MAN1A1: variants seen among roughly 807,000 people sequenced by gnomAD.
MAN1A1 encodes mannosidase alpha class 1A member 1, also known as mannosyl-oligosaccharide 1,2-alpha-mannosidase IA.
Under a neutral mutation model 70.8 loss-of-function variants are expected in MAN1A1, and 29 were observed. The ratio of observed to expected loss-of-function variants is 0.41; its 90% confidence interval spans 0.31 to 0.56. The LOEUF (loss-of-function observed/expected upper bound fraction) is 0.56, where lower values mean the gene tolerates loss of function less well. Ranked by LOEUF, MAN1A1 falls within the 20% of genes least tolerant of loss-of-function variation. The probability of loss-of-function intolerance (pLI) is 0.29; values close to 1 mark genes in which losing one functional copy is unlikely to be tolerated. For missense variants in MAN1A1, 747 were observed against 841.3 expected (o/e 0.89, Z 1.39); for synonymous variants, 349 against 330.1 (o/e 1.06, Z -0.62).
chr6:119,288,349 C>T (rs553927518), intron 5 of MAN1A1, among the ~76,000 whole-genome samples: 3 of 151,964 alleles, frequency 2.0e-5, no homozygotes, highest in Admixed American at 6.6e-5. Context: ...GTCCTAGACA[C>T]CTTAGTAAAT....
At chr6:119,264,595 T>C (rs1775698161) in intron 5 of MAN1A1, among the ~76,000 whole-genome samples, 2 of 152,176 alleles carry the variant, frequency 1.3e-5, no homozygotes, top group South Asian at 2.1e-4. Flanking sequence ...GCGGTTGTTG[T>C]TTAGGAGCTT....
intron 2 of MAN1A1, among the ~76,000 whole-genome samples, chr6:119,319,124 C>T (rs534478917): frequency 6.6e-6 from 1 of 152,080 alleles, no homozygotes; most frequent in Non-Finnish European, 1.5e-5. Context: ...CTAAAAATGG[C>T]AAATGATTAT....
intron 5 of MAN1A1, among the ~76,000 whole-genome samples, chr6:119,289,519 A>G (rs1385781266): frequency 6.9e-6 from 1 of 145,090 alleles, no homozygotes; most frequent in Non-Finnish European, 1.5e-5. Flanking sequence ...GTTATCTGGT[A>G]GTGGAAAAAC....
rs552008561 is a variant in MAN1A1 at position 119,284,605 on chromosome 6, T to G, written c.897+6078A>C. ...CTGAAATATAGACTTAACCACATATTTATTTTTTCTTAATGCAGACCTTTG... is the reference window on the plus strand; with the variant it reads ...CTGAAATATAGACTTAACCACATATGTATTTTTTCTTAATGCAGACCTTTG... On this transcript the variant is annotated intron_variant, in intron 5 of 12. Transcript: ENST00000368468. Among the ~76,000 whole-genome samples, 14 of 152,306 alleles carry G rather than the reference T, an allele frequency of 9.2e-5. No individual in the cohort carries two copies. The East Asian group carries it at 2.7e-3, about 29-fold the overall frequency.
Position 119,346,458 on chromosome 6 carries a change from A to T in MAN1A1, c.603+2005T>A, listed in dbSNP as rs548860070. Among the ~76,000 whole-genome samples the T allele has an allele frequency of 2.0e-5, 3 of 152,350 alleles. No homozygotes were observed. In the East Asian group the frequency reaches 5.8e-4, roughly 29 times the overall value. On this transcript the variant is annotated intron_variant, in intron 2 of 12. Coordinates refer to ENST00000368468, the MANE Select transcript of MAN1A1 (RefSeq NM_005907.4). ...TTTTGGGTTCTCACAGCAACAAGGA[A>T]TTTTAAAGAACACATTTAGTTCCAC... is the stretch of plus-strand genomic sequence containing the variant.
chr6:119,264,878 CCT>C (rs1562216714), intron 5 of MAN1A1, among the ~76,000 whole-genome samples: 1 of 151,882 alleles, frequency 6.6e-6, no homozygotes, highest in Non-Finnish European at 1.5e-5. Context: ...GGTAAAATAC[CCT>C]GTTTTAGCAT....
In MAN1A1 at chr6:119,267,383, T is replaced by G. The variant is rs188535920; in HGVS notation, c.898-19029A>C. Among the ~76,000 whole-genome samples the G allele has an allele frequency of 2.3e-3, 353 of 152,154 alleles. 1 individual carries two copies. The highest frequency in any genetic ancestry group is 8.1e-3 in the African/African-American group (337 of 41,384). Reference sequence around the variant, plus strand: ...GTTGAAATATAATCTGTAATTTACATACATCAAGATAACTCAGTACATTAA... The same window carrying G: ...GTTGAAATATAATCTGTAATTTACAGACATCAAGATAACTCAGTACATTAA... On this transcript the variant is annotated intron_variant, in intron 5 of 12. Coordinates refer to ENST00000368468, the MANE Select transcript of MAN1A1 (RefSeq NM_005907.4).
chr6:119,209,046 T>C (rs938356208), intron 6 of MAN1A1, among the ~76,000 whole-genome samples: 10 of 146,458 alleles, frequency 6.8e-5, no homozygotes, highest in African/African-American at 1.5e-4. Context: ...AGTGAGCTGA[T>C]TGCCACTGCA....
intron 5 of MAN1A1, among the ~76,000 whole-genome samples, chr6:119,266,588 A>G (rs544591384): frequency 3.9e-5 from 6 of 152,276 alleles, no homozygotes; most frequent in Admixed American, 3.9e-4. Context: ...ACAAAAATTA[A>G]CTCAAAATGG....
At chr6:119,289,894 C>G (rs111984076) in intron 5 of MAN1A1, among the ~76,000 whole-genome samples, 2,195 of 152,098 alleles carry the variant, frequency 0.014, 20 homozygotes, top group Non-Finnish European at 0.022. Context: ...CTGAGGCTAA[C>G]TCAAATCTGA....
intron 2 of MAN1A1, among the ~76,000 whole-genome samples, chr6:119,346,542 A>G (rs1020064572): frequency 1.3e-5 from 2 of 152,222 alleles, no homozygotes; most frequent in African/African-American, 4.8e-5. Context: ...TTAGACAGAG[A>G]CTACGTAAAT....
chr6:119,305,856 A>G (rs750289720), intron 3 of MAN1A1, among the ~76,000 whole-genome samples: 1 of 152,184 alleles, frequency 6.6e-6, no homozygotes, highest in African/African-American at 2.4e-5. Flanking sequence ...GAAGGTTCTA[A>G]ATAAATGGAA....
rs1773052886 is a variant in MAN1A1, at chr6:119,178,175, G to C, written c.*1644C>G. ...TGAAAAACAGAAAGCAGGTCATAAA[G>C]ATGGTCCTGTCCGATAAAGGAAATC... On this transcript the variant is annotated 3_prime_UTR_variant, in exon 13 of 13. Coordinates refer to ENST00000368468, the MANE Select transcript of MAN1A1 (RefSeq NM_005907.4). 1 of 152,086 alleles carries C rather than the reference G, an allele frequency of 6.6e-6. No homozygotes were observed. The highest frequency in any genetic ancestry group is 2.1e-4 in the South Asian group (1 of 4,830). The allele number at this position is 152,086 out of a possible 1,614,324, so 9.4% of individuals were successfully genotyped here.
rs1197764663 is a variant in MAN1A1 at position 119,314,228 on chromosome 6, CAA to C, written c.604-7238_604-7237del. On this transcript the variant is annotated intron_variant, in intron 2 of 12. Transcript: ENST00000368468. The stretch of plus-strand genomic sequence containing the variant: ...GTGCTATCTCTTTGCCACAAATTAG[CAA>C]AAGTCTTTGAGATCTGAGGTGCATA... Among the ~76,000 whole-genome samples the C allele has an allele frequency of 3.3e-5, 5 of 152,344 alleles. No homozygotes were observed. In the East Asian group the frequency reaches 5.8e-4, roughly 18 times the overall value.
At chr6:119,189,609 C>T in intron 10 of MAN1A1, 55 bp downstream of exon 10, 1 of 1,546,482 alleles carries the variant, frequency 6.5e-7, no homozygotes, top group South Asian at 1.1e-5. Flanking sequence ...GACAAAACTG[C>T]ATTAAATCAA....
chr6:119,292,672 A>G (rs545797852), intron 4 of MAN1A1, among the ~76,000 whole-genome samples: 1 of 152,234 alleles, frequency 6.6e-6, no homozygotes, highest in South Asian at 2.1e-4. Context: ...CAATTATGAA[A>G]ACAAGTTAGG....
At chr6:119,305,785 C>T (rs978690705) in intron 3 of MAN1A1, among the ~76,000 whole-genome samples, 1 of 152,106 alleles carries the variant, frequency 6.6e-6, no homozygotes, top group African/African-American at 2.4e-5. Context: ...GTGTAAAGAC[C>T]TGTGCAAAGA....
intron 2 of MAN1A1, among the ~76,000 whole-genome samples, chr6:119,332,603 G>A (rs1773348650): frequency 6.6e-6 from 1 of 152,118 alleles, no homozygotes; most frequent in Admixed American, 6.5e-5. Flanking sequence ...GATCACCTGA[G>A]GTCAGGAGTT....
chr6:119,265,092 CCT>C (rs150249401), intron 5 of MAN1A1, among the ~76,000 whole-genome samples: 8,265 of 124,998 alleles, frequency 0.066, 316 homozygotes, highest in African/African-American at 0.12. Flanking sequence ...CTTTTAAGTG[CCT>C]TTTTTAAATT....
Sources: gnomAD v4.1 joint callset for allele counts (sites outside exome capture counted in the v4.1 genomes callset) on GRCh38, gnomAD v4.1.1 for gene constraint, MANE v1.5 for transcripts, NCBI Gene and HGNC (gene_info 2026-07-23, HGNC 2026-07-21) for gene names.